The following KCNIP4 variants were observed in gnomAD, a reference collection of about 807,000 sequenced individuals.
KCNIP4 encodes the protein potassium voltage-gated channel interacting protein 4.
A neutral mutation model predicts 34.0 loss-of-function variants in KCNIP4; 12 were observed. That is an observed-to-expected ratio of 0.35 (90% confidence interval 0.23 to 0.57). The LOEUF is 0.57. Among genes scored for constraint, KCNIP4 ranks in the 20% least tolerant of loss-of-function variants. The pLI is 0.83. For missense variants in KCNIP4, 238 were observed against 311.7 expected (o/e 0.76, Z 1.78); for synonymous variants, 124 against 102.2 (o/e 1.21, Z -1.29).
intron 1 of KCNIP4, among the ~76,000 whole-genome samples, chr4:21,317,120 T>A (rs763005260): frequency 6.6e-6 from 1 of 152,202 alleles, no homozygotes; most frequent in Non-Finnish European, 1.5e-5. Context: ...TTGTGGGATA[T>A]AAATGCTTGC....
intron 1 of KCNIP4, among the ~76,000 whole-genome samples, chr4:21,008,422 A>C (rs1738754358): frequency 6.6e-6 from 1 of 152,240 alleles, no homozygotes; most frequent in Non-Finnish European, 1.5e-5. Flanking sequence ...TCTGTGCTAT[A>C]AAATCTTTAT....
chr4:21,062,388 A>G (rs1473613218), intron 1 of KCNIP4, among the ~76,000 whole-genome samples: 4 of 152,086 alleles, frequency 2.6e-5, no homozygotes, highest in East Asian at 3.9e-4. Flanking sequence ...TTGTGACTGT[A>G]TTTGGAAATT....
At chr4:21,354,937 T>G (rs1718415802) in intron 1 of KCNIP4, among the ~76,000 whole-genome samples, 1 of 152,114 alleles carries the variant, frequency 6.6e-6, no homozygotes, top group African/African-American at 2.4e-5. Context: ...ACAGAAATCA[T>G]AACAAACTGT....
intron 1 of KCNIP4, among the ~76,000 whole-genome samples, chr4:21,097,424 T>C (rs1047103805): frequency 2.0e-5 from 3 of 152,176 alleles, no homozygotes; most frequent in African/African-American, 7.2e-5. Flanking sequence ...TTTTACAAAC[T>C]AAAGATTTTT....
At chr4:20,747,766 A>C (rs1008973502) in intron 5 of KCNIP4, among the ~76,000 whole-genome samples, 6 of 152,108 alleles carry the variant, frequency 3.9e-5, no homozygotes, top group African/African-American at 1.4e-4. Flanking sequence ...CTGCATGAGC[A>C]TGGAGTATGT....
intron 1 of KCNIP4, among the ~76,000 whole-genome samples, chr4:20,962,661 T>G (rs988973579): frequency 2.1e-4 from 32 of 152,222 alleles, no homozygotes; most frequent in Admixed American, 1.8e-3. Context: ...TTTTTACTTA[T>G]TTTATCATTT....
chr4:21,512,021 G>A (rs1409924262), intron 1 of KCNIP4, among the ~76,000 whole-genome samples: 3 of 150,468 alleles, frequency 2.0e-5, no homozygotes, highest in Non-Finnish European at 4.4e-5. Flanking sequence ...TAGGGAAAGA[G>A]GGAGGAAGAG....
chr4:20,820,162 A>C (rs4484298), intron 3 of KCNIP4, among the ~76,000 whole-genome samples: 3 of 152,076 alleles, frequency 2.0e-5, no homozygotes, highest in Admixed American at 6.6e-5. Flanking sequence ...GGAAGCCTTA[A>C]TCTTACAGAC....
At position 21,528,542 on chromosome 4, in the gene KCNIP4, C is replaced by A. The variant is rs576697088; in HGVS notation, c.61+420029G>T. 3.3e-5 allele frequency among the ~76,000 whole-genome samples: 5 copies of A among 151,586 alleles called. No homozygotes were observed. The East Asian group carries it at 9.7e-4, about 29-fold the overall frequency. ...ATTAGCTGGGTGTGGTGGCGGGCGCCTATAGTCCCAGCTACTCAGGAGGTT... is the reference window on the plus strand; with the variant it reads ...ATTAGCTGGGTGTGGTGGCGGGCGCATATAGTCCCAGCTACTCAGGAGGTT... On this transcript the variant is annotated intron_variant, in intron 1 of 8. Coordinates refer to ENST00000382152, the MANE Select transcript of KCNIP4 (RefSeq NM_025221.6).
At chr4:21,919,008 T>A (rs1463361331) in intron 1 of KCNIP4, among the ~76,000 whole-genome samples, 1 of 151,984 alleles carries the variant, frequency 6.6e-6, no homozygotes, top group Non-Finnish European at 1.5e-5. Flanking sequence ...ACAAAGAACA[T>A]CTTATAAGAC....
At chr4:21,775,894 TC>T (rs1053807429) in intron 1 of KCNIP4, among the ~76,000 whole-genome samples, 8 of 152,102 alleles carry the variant, frequency 5.3e-5, no homozygotes, top group Non-Finnish European at 8.8e-5. Flanking sequence ...TAGTTGTGAG[TC>T]CCAGCGCTGG....
Position 21,722,049 on chromosome 4 carries a change from TA to T in KCNIP4, c.61+226521del, listed in dbSNP as rs1714856476. On this transcript the variant is annotated intron_variant, in intron 1 of 8. Transcript: ENST00000382152. The stretch of plus-strand genomic sequence containing the variant: ...AAGGTATCTATGTTCTGATTTGCAC[TA>T]AAAACTTAGACTCCTTAAGATCATA... Among the ~76,000 whole-genome samples, 3 of 152,214 alleles carry T rather than the reference TA, an allele frequency of 2.0e-5. No homozygotes were observed. In the South Asian group the frequency reaches 6.2e-4, roughly 32 times the overall value.
At chr4:20,756,146 C>T (rs980663941) in intron 4 of KCNIP4, among the ~76,000 whole-genome samples, 32 of 150,394 alleles carry the variant, frequency 2.1e-4, no homozygotes, top group African/African-American at 6.2e-4. Flanking sequence ...CAGGAGATAA[C>T]GGTGGCTCCT....
rs1723447482 is a variant in KCNIP4, at chr4:21,837,845, G to C, written c.61+110726C>G. The stretch of plus-strand genomic sequence containing the variant: ...ATTATCTGCCATTGCTAGTGAAAAG[G>C]CTTTTCTTAGAAATTCCATCAATAT... On this transcript the variant is annotated intron_variant, in intron 1 of 8. Coordinates refer to ENST00000382152, the MANE Select transcript of KCNIP4 (RefSeq NM_025221.6). Among the ~76,000 whole-genome samples the C allele has an allele frequency of 2.6e-5, 4 of 151,954 alleles. No individual in the cohort carries two copies. In the South Asian group the frequency reaches 8.3e-4, roughly 31 times the overall value.
At chr4:21,226,456 G>C (rs28650166) in intron 1 of KCNIP4, among the ~76,000 whole-genome samples, 33,120 of 151,754 alleles carry the variant, frequency 0.22, 6,200 homozygotes, top group African/African-American at 0.51. Flanking sequence ...AATTATGAAC[G>C]TGAAATTTGT....
chr4:21,917,919 T>C (rs982958020), intron 1 of KCNIP4, among the ~76,000 whole-genome samples: 3 of 152,184 alleles, frequency 2.0e-5, no homozygotes, highest in Non-Finnish European at 2.9e-5. Context: ...TGTTATTAGA[T>C]AGATACAGTA....
chr4:21,770,591 G>C (rs1718713256), intron 1 of KCNIP4, among the ~76,000 whole-genome samples: 1 of 152,110 alleles, frequency 6.6e-6, no homozygotes, highest in Non-Finnish European at 1.5e-5. Flanking sequence ...AAGTGTTCCT[G>C]TTTCACCATA....
chr4:21,809,565 T>G (rs959559312), intron 1 of KCNIP4, among the ~76,000 whole-genome samples: 1 of 152,168 alleles, frequency 6.6e-6, no homozygotes, highest in African/African-American at 2.4e-5. Context: ...ACATGTTTAA[T>G]GTAGGTATCT....
chr4:21,265,798 A>T (rs933712861), intron 1 of KCNIP4, among the ~76,000 whole-genome samples: 30 of 152,356 alleles, frequency 2.0e-4, no homozygotes, highest in African/African-American at 7.2e-4. Flanking sequence ...CTGACTTTTG[A>T]ACACATCAAA....
Sources: gnomAD v4.1 joint callset for allele counts (sites outside exome capture counted in the v4.1 genomes callset) on GRCh38, gnomAD v4.1.1 for gene constraint, MANE v1.5 for transcripts, NCBI Gene and HGNC (gene_info 2026-07-23, HGNC 2026-07-21) for gene names.